Variants in DIP2A observed in about 807,000 individuals in gnomAD.
DIP2A encodes disco-interacting protein 2 homolog A.
In DIP2A, 85 loss-of-function variants were observed where a neutral mutation model predicts 177.4. The ratio of observed to expected loss-of-function variants is 0.48; its 90% CI spans 0.40 to 0.57. The LOEUF (loss-of-function observed/expected upper bound fraction) is 0.57. Ranked by LOEUF, DIP2A falls within the 20% of genes least tolerant of loss-of-function variation. The probability of loss-of-function intolerance (pLI) is 0.00; values close to 1 mark genes in which losing one functional copy is unlikely to be tolerated. For synonymous variants in DIP2A, 886 were observed against 881.8 expected (o/e 1.00, Z -0.08); for missense variants, 1,791 against 2,100.2 (o/e 0.85, Z 2.88).
intron 8 of DIP2A, among the ~76,000 whole-genome samples, chr21:46,528,078 G>A (rs929222286): frequency 6.6e-6 from 1 of 152,150 alleles, no homozygotes; most frequent in African/African-American, 2.4e-5. Flanking sequence ...TGGGCCCTGT[G>A]CCTGGCGTGA....
At chr21:46,570,497 A>G (rs886081449), downstream of DIP2A, among the ~76,000 whole-genome samples, 1 of 152,154 alleles carries the variant, frequency 6.6e-6, no homozygotes. Context: ...GTCTCTTTCT[A>G]TTAAGAATTA....
chr21:46,574,836 C>T (rs2060982695), downstream of DIP2A, among the ~76,000 whole-genome samples: 1 of 152,146 alleles, frequency 6.6e-6, no homozygotes, highest in Admixed American at 6.5e-5. Context: ...CTGATGGCTT[C>T]ATTGGTGAAT....
chr21:46,523,211 C>T (rs1163507433), intron 8 of DIP2A, among the ~76,000 whole-genome samples: 2 of 151,592 alleles, frequency 1.3e-5, no homozygotes, highest in Non-Finnish European at 2.9e-5. Context: ...AGATGTGAGC[C>T]ACCAATGCCT....
chr21:46,478,073 C>T (rs945636643), intron 1 of DIP2A, among the ~76,000 whole-genome samples: 5 of 152,148 alleles, frequency 3.3e-5, no homozygotes, highest in African/African-American at 1.2e-4. Flanking sequence ...GCACCTGCTC[C>T]ATTCTGTCTT....
chr21:46,542,085 A>C (rs1384259322), intron 18 of DIP2A, among the ~76,000 whole-genome samples, 190 bp downstream of exon 18: 1 of 152,230 alleles, frequency 6.6e-6, no homozygotes, highest in Admixed American at 6.5e-5. Context: ...TAAATACTCC[A>C]GGCTTCATAG....
At chr21:46,525,111 T>C (rs1170302151) in intron 8 of DIP2A, among the ~76,000 whole-genome samples, 4 of 152,068 alleles carry the variant, frequency 2.6e-5, no homozygotes, top group African/African-American at 9.7e-5. Context: ...GGTCTCGAAC[T>C]CCTGACCTCA....
intron 7 of DIP2A, 138 bp from the exon 8 acceptor site, chr21:46,511,279 C>A: frequency 1.1e-6 from 1 of 941,094 alleles, no homozygotes; most frequent in Non-Finnish European, 1.5e-6. Context: ...GACTGTGATG[C>A]AAAAATCGAA....
At chr21:46,554,786 G>GGGGGGGGGGGGGGGCCCCCCC in intron 27 of DIP2A, 36 bp from the exon 28 acceptor site, 1 of 1,519,084 alleles carries the variant, frequency 6.6e-7, no homozygotes, top group Non-Finnish European at 8.8e-7. Context: ...AGCTTGAGAG[G>GGGGGGGGGGGGGGGCCCCCCC]CCCCGCCCAC....
chr21:46,554,260 T>C lies in DIP2A; in HGVS notation c.3122T>C (p.Val1041Ala), dbSNP rs772402434. ...AALMEKGRLS[V>A]GDHVALVYPP... Reference sequence around the variant, plus strand: ...CTGATGGAGAAGGGAAGACTGAGTGTTGGGGACCATGTGGCTCTGGTCTAC... The same window carrying C: ...CTGATGGAGAAGGGAAGACTGAGTGCTGGGGACCATGTGGCTCTGGTCTAC... The change falls in exon 26 of 38, where the codon GTT (valine) becomes GCT (alanine). Residue 1041 changes from valine (V) to alanine (A), a missense_variant. Val to Ala is a moderately conservative substitution (Grantham distance 64). Transcript: ENST00000417564. 3 of 1,613,788 alleles carry C rather than the reference T, an allele frequency of 1.9e-6. No homozygotes were observed. The highest frequency in any genetic ancestry group is 2.7e-5 in the African/African-American group (2 of 74,900).
chr21:46,518,792 G>A (rs940864072), intron 8 of DIP2A, among the ~76,000 whole-genome samples: 5 of 152,250 alleles, frequency 3.3e-5, no homozygotes, highest in Non-Finnish European at 7.3e-5. Flanking sequence ...AGGAGGTGGA[G>A]GTTACAGTGA....
chr21:46,566,283 A>G (rs1412836277), intron 36 of DIP2A, among the ~76,000 whole-genome samples: 1 of 152,218 alleles, frequency 6.6e-6, no homozygotes, highest in African/African-American at 2.4e-5. Flanking sequence ...AACTTTTGGT[A>G]GCTCCTATAG....
chr21:46,554,365 ACTCC>A (rs992816151), intron 26 of DIP2A, 73 bp downstream of exon 26: 86 of 1,577,992 alleles, frequency 5.4e-5, no homozygotes, highest in Non-Finnish European at 7.2e-5. Flanking sequence ...CCCCCTAGAC[ACTCC>A]CTCCCCGAAG....
intron 8 of DIP2A, among the ~76,000 whole-genome samples, chr21:46,511,883 C>T (rs1201207122): frequency 1.3e-5 from 2 of 152,068 alleles, no homozygotes; most frequent in Non-Finnish European, 2.9e-5. Flanking sequence ...TTATTTTCAA[C>T]TTTGTATAAG....
intron 6 of DIP2A, among the ~76,000 whole-genome samples, chr21:46,506,626 T>G (rs1011644086): frequency 6.6e-6 from 1 of 152,170 alleles, no homozygotes; most frequent in African/African-American, 2.4e-5. Context: ...GATGGTGTGT[T>G]GAACATCTTT....
At chr21:46,576,592 C>T in the DIP2A span, among the ~76,000 whole-genome samples, 8 of 152,094 alleles carry the variant, frequency 5.3e-5, 1 homozygote, top group African/African-American at 1.9e-4. Context: ...CATACATGTG[C>T]ATATATTTTT....
chr21:46,537,652 G>A lies in DIP2A; in HGVS notation c.1801+113G>A. 9.7e-7 allele frequency: 1 copy of A among 1,033,872 alleles called. No individual in the cohort carries two copies. Among genetic ancestry groups the A allele is most frequent in the Middle Eastern group, 2.1e-4 (1 of 4,740 alleles). 64.0% of individuals were successfully genotyped at this position (1,033,872 alleles called of 1,614,324 possible). A position where few individuals can be genotyped will look rare whatever the true frequency, so the allele number is the denominator to read the frequency against. On this transcript the variant is annotated intron_variant, in intron 15 of 37. Coordinates refer to ENST00000417564, the MANE Select transcript of DIP2A (RefSeq NM_015151.4). This position sits in a 1 kb window ranked among gnomAD's most constrained non-coding sequence, Gnocchi z 4.1. The stretch of plus-strand genomic sequence containing the variant: ...ACATGTGGAACTGCAGATGTAGGCT[G>A]AAGAGCTGTGGGACGTCTTTCTTGG...
intron 5 of DIP2A, among the ~76,000 whole-genome samples, chr21:46,501,042 C>CA (rs2057622842): frequency 3.3e-5 from 5 of 152,190 alleles, no homozygotes; most frequent in Admixed American, 3.3e-4. Flanking sequence ...TAGCTACCCA[C>CA]ATCCTAAATG....
At chr21:46,578,320 A>G in the DIP2A span, among the ~76,000 whole-genome samples, 1 of 151,388 alleles carries the variant, frequency 6.6e-6, no homozygotes, top group Non-Finnish European at 1.5e-5. Context: ...CAAAAAACAA[A>G]CAAACAAAAA....
At chr21:46,496,234 C>T (rs766924201) in intron 3 of DIP2A, among the ~76,000 whole-genome samples, 1 of 152,058 alleles carries the variant, frequency 6.6e-6, no homozygotes, top group Non-Finnish European at 1.5e-5. Flanking sequence ...TCTCCTCTCC[C>T]TCATGAGTGT....
Sources: gnomAD v4.1 joint callset for allele counts (sites outside exome capture counted in the v4.1 genomes callset) on GRCh38, gnomAD v4.1.1 for gene constraint, Gnocchi (gnomAD v3.1) non-coding constraint, MANE v1.5 for transcripts, NCBI Gene and HGNC (gene_info 2026-07-23, HGNC 2026-07-21) for gene names.